ADAM18: variants seen among roughly 807,000 people sequenced by gnomAD.
ADAM18 encodes ADAM metallopeptidase domain 18.
A neutral mutation model predicts 94.4 loss-of-function variants in ADAM18; 117 were observed. That is an observed-to-expected ratio of 1.24 (90% CI 1.07 to 1.45). The LOEUF is 1.45. ADAM18 is among the 40% of genes most tolerant of loss of function. The pLI, the probability that ADAM18 is intolerant of heterozygous loss-of-function variation, is 0.00. For missense variants in ADAM18, 936 were observed against 880.0 expected (o/e 1.06, Z -0.81); for synonymous variants, 327 against 291.6 (o/e 1.12, Z -1.24).
chr8:39,679,885 G>T lies in ADAM18; in HGVS notation c.1632-152G>T, dbSNP rs140606968. 1,280 of 687,166 alleles carry T rather than the reference G, an allele frequency of 1.9e-3. 17 individuals are homozygous for T. Among genetic ancestry groups the T allele is most frequent in the Non-Finnish European group, 4.0e-4 (166 of 412,376 alleles). The allele number at this position is 687,166 out of a possible 1,614,324, so 42.6% of individuals were successfully genotyped here. On this transcript the variant is annotated intron_variant, in intron 15 of 19. Transcript: ENST00000265707. Reference sequence around the variant, plus strand: ...TCTGCTATTAAGACAGTTGCATTTAGTTGTTGTGCACCATAAAATAATGTT... The same window carrying T: ...TCTGCTATTAAGACAGTTGCATTTATTTGTTGTGCACCATAAAATAATGTT...
At chr8:39,682,078 A>G (rs2129580600) in intron 16 of ADAM18, among the ~76,000 whole-genome samples, 1 of 152,314 alleles carries the variant, frequency 6.6e-6, no homozygotes, top group Non-Finnish European at 1.5e-5. Flanking sequence ...AAGAGTAACA[A>G]AAGATTAGTC....
chr8:39,725,023 G>A (rs1292079755), intron 19 of ADAM18, among the ~76,000 whole-genome samples: 2 of 151,770 alleles, frequency 1.3e-5, no homozygotes, highest in Non-Finnish European at 2.9e-5. Context: ...AAATACACTT[G>A]AATAGAAGGT....
At chr8:39,620,357 C>CAAAAAAAAAAAAAAAACAAAAAAAAAAAA (rs1819574465) in intron 6 of ADAM18, among the ~76,000 whole-genome samples, 2 of 90,566 alleles carry the variant, frequency 2.2e-5, no homozygotes, top group Non-Finnish European at 2.1e-5. Context: ...GCAACAAAAG[C>CAAAAAAAAAAAAAAAACAAAAAAAAAAAA]AAAAAAAAAA....
intron 2 of ADAM18, among the ~76,000 whole-genome samples, chr8:39,591,278 C>T (rs1046987004): frequency 1.3e-5 from 2 of 152,108 alleles, no homozygotes; most frequent in Non-Finnish European, 2.9e-5. Flanking sequence ...TCGGTTGACT[C>T]TTCCTTTCAT....
At chr8:39,647,659 T>C (rs975898453) in intron 11 of ADAM18, among the ~76,000 whole-genome samples, 3 of 152,226 alleles carry the variant, frequency 2.0e-5, no homozygotes, top group Non-Finnish European at 4.4e-5. Flanking sequence ...AATACCCGGC[T>C]TTCCAGGGCA....
chr8:39,611,451 A>G, intron 6 of ADAM18: 2 of 985,298 alleles, frequency 2.0e-6, no homozygotes, highest in Non-Finnish European at 2.4e-6. Context: ...AAGCTATGAA[A>G]CCAACTATCT....
intron 10 of ADAM18, among the ~76,000 whole-genome samples, chr8:39,643,590 T>C (rs745978473): frequency 1.7e-4 from 26 of 152,158 alleles, no homozygotes; most frequent in Non-Finnish European, 2.6e-4. Flanking sequence ...CTGGATAAAA[T>C]AGAGTTCTGA....
chr8:39,675,254 C>A (rs970049488), intron 14 of ADAM18, among the ~76,000 whole-genome samples: 4 of 152,128 alleles, frequency 2.6e-5, no homozygotes, highest in African/African-American at 7.2e-5. Flanking sequence ...CACTTTCAGG[C>A]ACACCAATCA....
At chr8:39,725,388 T>C (rs1381843929) in intron 19 of ADAM18, among the ~76,000 whole-genome samples, 3 of 152,098 alleles carry the variant, frequency 2.0e-5, no homozygotes, top group Non-Finnish European at 4.4e-5. Context: ...AAATATCAAG[T>C]ATACAATACA....
chr8:39,645,204 C>A, intron 10 of ADAM18, 134 bp from the exon 11 acceptor site: 1 of 738,052 alleles, frequency 1.4e-6, no homozygotes. Context: ...AAATGGCATA[C>A]CAAAATAATT....
chr8:39,598,414 G>C (rs1348142466), intron 2 of ADAM18, among the ~76,000 whole-genome samples: 1 of 151,992 alleles, frequency 6.6e-6, no homozygotes, highest in East Asian at 1.9e-4. Flanking sequence ...ATTAAGGTTA[G>C]AACATGGCCT....
chr8:39,671,779 A>C (rs1254595549), intron 14 of ADAM18, among the ~76,000 whole-genome samples: 1 of 152,170 alleles, frequency 6.6e-6, no homozygotes, highest in Non-Finnish European at 1.5e-5. Flanking sequence ...AAAATAGAGA[A>C]AAGGCACAGA....
chr8:39,637,657 C>A lies in ADAM18; in HGVS notation c.781C>A (p.Arg261=), dbSNP rs141094631. ...ATTACAAAGATTTTTGGCATGGAAACGGGACTATCTCATCCTACGGCCCCA... is the reference window on the plus strand; with the variant it reads ...ATTACAAAGATTTTTGGCATGGAAAAGGGACTATCTCATCCTACGGCCCCA... The part of the protein sequence containing the change: ...DILQRFLAWK[R]DYLILRPHDI... The change falls in exon 9 of 20, where the codon CGG becomes AGG. Residue 261 remains arginine, a synonymous_variant. Coordinates refer to ENST00000265707, the MANE Select transcript of ADAM18 (RefSeq NM_014237.3). 1 of 1,612,354 alleles carries A rather than the reference C, an allele frequency of 6.2e-7. No individual in the cohort carries two copies.
intron 12 of ADAM18, among the ~76,000 whole-genome samples, chr8:39,657,257 T>C (rs190105685): frequency 3.5e-4 from 53 of 152,304 alleles, no homozygotes; most frequent in African/African-American, 9.9e-4. Context: ...CTGTTAAAAG[T>C]CAAGATCACA....
At chr8:39,685,115 T>C (rs1821575099) in intron 16 of ADAM18, 1 of 152,272 alleles carries the variant, frequency 6.6e-6, no homozygotes, top group African/African-American at 2.4e-5. Flanking sequence ...ATCCAGTGTC[T>C]GAGGGATTTT....
At chr8:39,643,637 C>G (rs902238988) in intron 10 of ADAM18, among the ~76,000 whole-genome samples, 1 of 152,006 alleles carries the variant, frequency 6.6e-6, no homozygotes, top group East Asian at 1.9e-4. Flanking sequence ...TTGAGGGCTG[C>G]GAACGACAAT....
intron 6 of ADAM18, among the ~76,000 whole-genome samples, chr8:39,623,089 C>A (rs1356152237): frequency 6.6e-6 from 1 of 152,120 alleles, no homozygotes; most frequent in Admixed American, 6.6e-5. Flanking sequence ...CTTTGCATAC[C>A]ACTTAAAAGT....
At chr8:39,643,593 A>T (rs575127634) in intron 10 of ADAM18, among the ~76,000 whole-genome samples, 1 of 152,198 alleles carries the variant, frequency 6.6e-6, no homozygotes, top group African/African-American at 2.4e-5. Context: ...GATAAAATAG[A>T]GTTCTGAAAT....
chr8:39,667,898 A>G, intron 13 of ADAM18, 100 bp from the exon 14 acceptor site: 1 of 1,241,578 alleles, frequency 8.1e-7, no homozygotes, highest in Non-Finnish European at 1.1e-6. Context: ...GTTCCCTCAA[A>G]TATCAATAAT....
Sources: allele counts gnomAD v4.1 joint callset (sites outside exome capture counted in the v4.1 genomes callset), GRCh38; gene constraint gnomAD v4.1.1; transcripts MANE v1.5; gene names NCBI Gene and HGNC (gene_info 2026-07-23, HGNC 2026-07-21).